The following PRMT7 variants were observed in gnomAD, a reference collection of about 807,000 sequenced individuals.
The protein encoded by PRMT7 is protein arginine N-methyltransferase 7.
In PRMT7, 75 loss-of-function variants were observed where a neutral mutation model predicts 85.4. The ratio of observed to expected loss-of-function variants is 0.88; its 90% CI spans 0.73 to 1.06. The LOEUF (loss-of-function observed/expected upper bound fraction) is 1.06, where lower values mean the gene tolerates loss of function less well. PRMT7 is among the 50% of genes least tolerant of loss of function. The pLI is 0.00. For missense variants in PRMT7, 868 were observed against 915.2 expected, an observed-to-expected ratio of 0.95 and a Z score of 0.67; for synonymous variants, 397 against 359.5, an observed-to-expected ratio of 1.10 and a Z score of -1.18.
At chr16:68,325,783 T>TC (rs985595853) in intron 5 of PRMT7, among the ~76,000 whole-genome samples, 2 of 151,976 alleles carry the variant, frequency 1.3e-5, no homozygotes, top group Non-Finnish European at 2.9e-5. Context: ...AGAGTGAGAC[T>TC]CCATCTCAAA....
At chr16:68,345,059 T>C (rs776413174) in intron 9 of PRMT7, among the ~76,000 whole-genome samples, 4 of 151,570 alleles carry the variant, frequency 2.6e-5, no homozygotes, top group Non-Finnish European at 5.9e-5. Context: ...CTCCCAAGAA[T>C]GAAAACAGTC....
intron 15 of PRMT7, among the ~76,000 whole-genome samples, chr16:68,352,973 C>T (rs2087636216): frequency 6.6e-6 from 1 of 152,188 alleles, no homozygotes; most frequent in South Asian, 2.1e-4. Flanking sequence ...GGCATTTCTC[C>T]TGTGTTACTT....
At position 68,355,705 on chromosome 16, in the gene PRMT7, G is replaced by A. The variant is rs2088286046; in HGVS notation, c.1651-18G>A. The A allele has an allele frequency of 1.3e-6, 2 of 1,548,604 alleles. No individual in the cohort carries two copies. The highest frequency in any genetic ancestry group is 1.8e-6 in the Non-Finnish European group (2 of 1,142,014). On this transcript the variant is annotated intron_variant, in intron 16 of 18. Transcript: ENST00000441236. The stretch of plus-strand genomic sequence containing the variant: ...GCCGGCCTGTCTCTGCAGCCCCCAG[G>A]CCCCCTTCTGTTCGCAGCGTGCCCT...
rs149543625 is a variant in PRMT7, at chr16:68,357,466, T to G, written c.*242T>G. ...CCTGGAGGGGCTGGGAAGACCCCCC[T>G]GCTTGTGCTTCTGAGGTGCTGAGAA... On this transcript the variant is annotated 3_prime_UTR_variant, in exon 19 of 19. Transcript: ENST00000441236. 1,822 of 493,002 alleles carry G rather than the reference T, an allele frequency of 3.7e-3. 28 individuals carry two copies. Among genetic ancestry groups the G allele is most frequent in the African/African-American group, 0.032 (1,627 of 51,020 alleles). The allele number at this position is 493,002 out of a possible 1,614,324, so 30.5% of individuals were successfully genotyped here. A position where few individuals can be genotyped will look rare whatever the true frequency, so the allele number is the denominator to read the frequency against.
intron 14 of PRMT7, chr16:68,351,548 C>G (rs917209091): frequency 5.2e-5 from 8 of 152,634 alleles, no homozygotes; most frequent in African/African-American, 1.9e-4. Flanking sequence ...CAGCCCCTCA[C>G]CCTGTCCTGG....
intron 9 of PRMT7, among the ~76,000 whole-genome samples, chr16:68,340,581 TAA>T (rs34764923): frequency 1.8e-3 from 252 of 142,586 alleles, no homozygotes; most frequent in Middle Eastern, 3.6e-3. Flanking sequence ...AACCTGTCTC[TAA>T]AAAAAAAAAA....
chr16:68,347,724 G>T (rs1451843773), intron 13 of PRMT7, 46 bp downstream of exon 13: 3 of 1,584,582 alleles, frequency 1.9e-6, no homozygotes, highest in Non-Finnish European at 2.6e-6. Flanking sequence ...GACCTGTGGG[G>T]TCTGGGTTGA....
At chr16:68,325,456 A>T (rs959005948) in intron 5 of PRMT7, among the ~76,000 whole-genome samples, 2 of 151,566 alleles carry the variant, frequency 1.3e-5, no homozygotes, top group African/African-American at 4.8e-5. Flanking sequence ...ACACCACCAC[A>T]CTCCAGCCTG....
chr16:68,352,447 G>C (rs759862094), intron 15 of PRMT7, 38 bp downstream of exon 15: 1 of 1,563,702 alleles, frequency 6.4e-7, no homozygotes, highest in Non-Finnish European at 8.6e-7. Context: ...AAAAGCAGAG[G>C]AGGCGGGTGG....
At chr16:68,331,468 TC>T (rs1373362782) in intron 6 of PRMT7, among the ~76,000 whole-genome samples, 18 of 146,228 alleles carry the variant, frequency 1.2e-4, no homozygotes, top group Admixed American at 2.0e-4. Flanking sequence ...TCTTTGTTGT[TC>T]TTTTTTTTTT....
chr16:68,328,409 A>T (rs1475402857), intron 5 of PRMT7: 1 of 150,684 alleles, frequency 6.6e-6, no homozygotes, highest in Non-Finnish European at 1.5e-5. Flanking sequence ...TGTCTTTCTG[A>T]GAAGCTGGAT....
intron 17 of PRMT7, 137 bp from the exon 18 acceptor site, chr16:68,356,563 CT>C (rs1273934619): frequency 1.5e-6 from 1 of 666,374 alleles, no homozygotes; most frequent in African/African-American, 1.8e-5. Context: ...GTTTATGTAA[CT>C]GCAGCACTAG....
chr16:68,329,609 C>T (rs1044195182), intron 6 of PRMT7: 2 of 157,102 alleles, frequency 1.3e-5, no homozygotes, highest in Admixed American at 6.2e-5. Context: ...CACTCTGTCG[C>T]CCAGGCTGGA....
At chr16:68,354,542 A>G (rs1394840558) in intron 16 of PRMT7, 3 of 152,234 alleles carry the variant, frequency 2.0e-5, no homozygotes, top group African/African-American at 7.2e-5. Flanking sequence ...TTTTTAAGTA[A>G]ATTAAACCTT....
intron 16 of PRMT7, chr16:68,355,427 G>T (rs554872447): frequency 3.6e-6 from 1 of 274,718 alleles, no homozygotes; most frequent in East Asian, 6.5e-5. Context: ...GTTTCTAGGT[G>T]CTGGGTGTTC....
At chr16:68,327,224 A>G (rs1483317888) in intron 5 of PRMT7, among the ~76,000 whole-genome samples, 1 of 152,240 alleles carries the variant, frequency 6.6e-6, no homozygotes, top group Non-Finnish European at 1.5e-5. Context: ...AAAAGGATTT[A>G]GAAAAAAGGA....
chr16:68,353,351 C>T (rs1472162012), intron 15 of PRMT7, 141 bp from the exon 16 acceptor site: 4 of 1,484,788 alleles, frequency 2.7e-6, no homozygotes, highest in Non-Finnish European at 3.6e-6. Flanking sequence ...CGTTGTGGAT[C>T]TTTGTTCTCT....
chr16:68,356,886 G>A, intron 18 of PRMT7, 89 bp downstream of exon 18: 1 of 1,418,070 alleles, frequency 7.1e-7, no homozygotes, highest in South Asian at 1.3e-5. Context: ...TGCTCTGGGT[G>A]TTTCTGTCAC....
At chr16:68,327,275 C>G (rs2151522663) in intron 5 of PRMT7, among the ~76,000 whole-genome samples, 1 of 152,260 alleles carries the variant, frequency 6.6e-6, no homozygotes, top group South Asian at 2.1e-4. Flanking sequence ...TTTGTGGTTT[C>G]CACTTCGTGT....
Sources: allele counts gnomAD v4.1 joint callset (sites outside exome capture counted in the v4.1 genomes callset), GRCh38; gene constraint gnomAD v4.1.1; transcripts MANE v1.5; gene names NCBI Gene and HGNC (gene_info 2026-07-23, HGNC 2026-07-21).